The following ACSL6 variants were observed in gnomAD, a reference collection of about 807,000 sequenced individuals.
ACSL6 encodes the protein acyl-CoA synthetase long chain family member 6.
In ACSL6, 47 loss-of-function variants were observed where a neutral mutation model predicts 98.2. The observed-to-expected ratio is 0.48, with a 90% CI of 0.38 to 0.61. ACSL6 has a LOEUF of 0.61. Among genes scored for constraint, ACSL6 ranks in the 20% least tolerant of loss-of-function variants. The pLI is 0.00. For missense variants in ACSL6, 761 were observed against 913.4 expected (o/e 0.83, Z 2.15); for synonymous variants, 362 against 336.9 (o/e 1.07, Z -0.82).
intron 20 of ACSL6, among the ~76,000 whole-genome samples, chr5:131,956,482 A>C (rs1442463627): frequency 6.6e-6 from 1 of 152,212 alleles, no homozygotes; most frequent in African/African-American, 2.4e-5. Context: ...CTCACCTTTC[A>C]GTCCCTTAGT....
In ACSL6 at chr5:131,973,351, A is replaced by G. The variant is rs747028944; in HGVS notation, c.1118T>C (p.Ile373Thr). The G allele has an allele frequency of 2.5e-6, 4 of 1,614,094 alleles. No individual in the cohort carries two copies. Among genetic ancestry groups the G allele is most frequent in the Non-Finnish European group, 3.4e-6 (4 of 1,180,030 alleles). The stretch of plus-strand genomic sequence containing the variant: ...CTTCATGTCATCTGAGAGAAGGCGG[A>G]TATCTCCCTGGAAGAAGCCAACACG... Reference protein sequence around the residue: ...GGRVGFFQGDIRLLSDDMKAL... With the variant: ...GGRVGFFQGDTRLLSDDMKAL... Residue 373 changes from isoleucine to threonine, a missense_variant, in exon 12 of 21, where the codon ATC becomes ACC. Transcript: ENST00000651883.
At chr5:132,010,349 A>G (rs183708957) in intron 1 of ACSL6, among the ~76,000 whole-genome samples, 116 of 152,338 alleles carry the variant, frequency 7.6e-4, no homozygotes, top group South Asian at 6.0e-3. Context: ...TAAAACCTCG[A>G]ATGGAATCCC....
rs913441021 is a variant in ACSL6 at position 131,974,709 on chromosome 5, G to T, written c.1068+184C>A. On this transcript the variant is annotated intron_variant, in intron 11 of 20. Coordinates refer to ENST00000651883, the MANE Select transcript of ACSL6 (RefSeq NM_001009185.3). ...CCAGTGACAAGTGACACCCGCTAGG[G>T]TTATGGGTTCTAGGCACAGAGTGTG... 12 of 1,570,830 alleles carry T rather than the reference G, an allele frequency of 7.6e-6. No homozygotes were observed. The East Asian group carries it at 2.5e-4, about 33-fold the overall frequency.
chr5:131,952,377 A>T lies in ACSL6; in HGVS notation c.*1857T>A, dbSNP rs191879490. On this transcript the variant is annotated 3_prime_UTR_variant, in exon 21 of 21. Coordinates refer to ENST00000651883, the MANE Select transcript of ACSL6 (RefSeq NM_001009185.3). ...CAAATGAAACAGTGATTCACTTTTGACAAGACTGAAATATAAGTATATAAT... is the reference window on the plus strand; with the variant it reads ...CAAATGAAACAGTGATTCACTTTTGTCAAGACTGAAATATAAGTATATAAT... 3.4e-5 allele frequency: 7 copies of T among 205,316 alleles called. No individual in the cohort carries two copies. The highest frequency in any genetic ancestry group is 9.1e-5 in the African/African-American group (4 of 43,808). The allele number at this position is 205,316 out of a possible 1,614,324, so 12.7% of individuals were successfully genotyped here. A position where few individuals can be genotyped will look rare whatever the true frequency, so the allele number is the denominator to read the frequency against.
chr5:131,962,969 G>C (rs1258607362), intron 17 of ACSL6, among the ~76,000 whole-genome samples: 1 of 152,026 alleles, frequency 6.6e-6, no homozygotes, highest in Non-Finnish European at 1.5e-5. Context: ...ATGCCTAGCA[G>C]CAGGTATCCT....
At chr5:131,960,651 C>A (rs755736132) in intron 18 of ACSL6, 30 bp from the exon 19 acceptor site, 68 of 1,558,008 alleles carry the variant, frequency 4.4e-5, no homozygotes, top group Admixed American at 1.1e-4. Flanking sequence ...AGAACACAGT[C>A]ATGACAAATG....
At chr5:131,987,470 GAGA>G (rs1160979) in intron 7 of ACSL6, among the ~76,000 whole-genome samples, 92,986 of 151,884 alleles carry the variant, frequency 0.61, 33,219 homozygotes, top group Non-Finnish European at 0.81. Flanking sequence ...AGGGAGGCAG[GAGA>G]AGGAGGGCCT....
Position 131,956,586 on chromosome 5 carries a change from C to T in ACSL6, c.2032-2215G>A, listed in dbSNP as rs1469929324. On this transcript the variant is annotated intron_variant, in intron 20 of 20. Coordinates refer to ENST00000651883, the MANE Select transcript of ACSL6 (RefSeq NM_001009185.3). The stretch of plus-strand genomic sequence containing the variant: ...CTATTTAAATGCTTCTATGAAAATA[C>T]CTATACAACCTGCTTGAGTGACTAA... Among the ~76,000 whole-genome samples the T allele has an allele frequency of 3.9e-5, 6 of 152,116 alleles. No individual in the cohort carries two copies. In the East Asian group the frequency reaches 1.2e-3, roughly 29 times the overall value.
Position 132,008,857 on chromosome 5 carries a change from A to G in ACSL6, c.49+2648T>C, listed in dbSNP as rs529951742. Among the ~76,000 whole-genome samples the G allele has an allele frequency of 3.9e-5, 6 of 152,366 alleles. No homozygotes were observed. In the South Asian group the frequency reaches 6.2e-4, roughly 16 times the overall value. ...CATGGGGCTGCCTTAGCCTAGAGGAAGGTGTGCCCTTTTAGAAAGTTATCC... is the reference window on the plus strand; with the variant it reads ...CATGGGGCTGCCTTAGCCTAGAGGAGGGTGTGCCCTTTTAGAAAGTTATCC... On this transcript the variant is annotated intron_variant, in intron 1 of 20. Transcript: ENST00000651883.
At chr5:131,973,605 G>A in intron 11 of ACSL6, 1 of 468,814 alleles carries the variant, frequency 2.1e-6, no homozygotes, top group Non-Finnish European at 3.8e-6. Flanking sequence ...CAGGCACAGG[G>A]AGATGAAGCA....
intron 9 of ACSL6, chr5:131,981,780 A>G (rs950540812): frequency 6.6e-6 from 1 of 152,286 alleles, no homozygotes; most frequent in African/African-American, 2.4e-5. Context: ...ACATGCTTGT[A>G]CTGAATCAAT....
chr5:132,010,780 T>A (rs188634648), intron 1 of ACSL6, among the ~76,000 whole-genome samples: 1,225 of 152,242 alleles, frequency 8.0e-3, no homozygotes, highest in Non-Finnish European at 0.012. Context: ...GTGGTAGAAC[T>A]GGCAGATAAA....
At chr5:132,008,871 A>G (rs1456713763) in intron 1 of ACSL6, among the ~76,000 whole-genome samples, 1 of 152,216 alleles carries the variant, frequency 6.6e-6, no homozygotes, top group Non-Finnish European at 1.5e-5. Flanking sequence ...GTGCCCTTTT[A>G]GAAAGTTATC....
upstream of ACSL6, chr5:132,012,014 G>T (rs1755764097): frequency 1.4e-6 from 2 of 1,452,110 alleles, no homozygotes; most frequent in East Asian, 5.4e-5. Flanking sequence ...ATCAACACGC[G>T]ACCCTGCCCC....
rs1752154179 is a variant in ACSL6, at chr5:131,951,486, C to A, written c.*2748G>T. The A allele has an allele frequency of 4.9e-6, 1 of 203,346 alleles. No individual in the cohort carries two copies. The highest frequency in any genetic ancestry group is 2.3e-5 in the African/African-American group (1 of 43,592). The allele number at this position is 203,346 out of a possible 1,614,324, so 12.6% of individuals were successfully genotyped here. On this transcript the variant is annotated 3_prime_UTR_variant, in exon 21 of 21. Coordinates refer to ENST00000651883, the MANE Select transcript of ACSL6 (RefSeq NM_001009185.3). ...CTTTTCTCAGCACATCTGAACTAACCCATTTATTGGCCCAAGTGTGATGAT... is the reference window on the plus strand; with the variant it reads ...CTTTTCTCAGCACATCTGAACTAACACATTTATTGGCCCAAGTGTGATGAT...
At position 131,966,969 on chromosome 5, in the gene ACSL6, C is replaced by T. The variant is rs17211893; in HGVS notation, c.1597-437G>A. Among the ~76,000 whole-genome samples, 745 of 152,314 alleles carry T rather than the reference C, an allele frequency of 4.9e-3. 3 individuals carry two copies. The highest frequency in any genetic ancestry group is 8.5e-3 in the Non-Finnish European group (581 of 68,032). ...GCCAGCTCTATCTACTCCATCTGGC[C>T]TATTTGTAAAGGATCATGTTTCTGC... On this transcript the variant is annotated intron_variant, in intron 16 of 20. Coordinates refer to ENST00000651883, the MANE Select transcript of ACSL6 (RefSeq NM_001009185.3).
rs946567336 is a variant in ACSL6, at chr5:131,987,969, G to A, written c.831+79C>T. 1.0e-5 allele frequency: 16 copies of A among 1,561,992 alleles called. No homozygotes were observed. In the Middle Eastern group the frequency reaches 5.2e-4, roughly 51 times the overall value. On this transcript the variant is annotated intron_variant, in intron 7 of 20. Coordinates refer to ENST00000651883, the MANE Select transcript of ACSL6 (RefSeq NM_001009185.3). ...CCAAAACAGCCACCCCAGGGCATGA[G>A]AGGGACAGATAACCAGAAGTTCTGA...
intron 10 of ACSL6, chr5:131,976,170 G>C: frequency 1.0e-6 from 1 of 985,374 alleles, no homozygotes; most frequent in South Asian, 4.7e-5. Context: ...AAGCTTTTTT[G>C]ATTTTAGATT....
intron 18 of ACSL6, chr5:131,961,036 T>G (rs552848936): frequency 1.3e-4 from 20 of 159,926 alleles, no homozygotes; most frequent in Non-Finnish European, 2.5e-4. Context: ...GTTTATTTTT[T>G]TCTTTTGAGA....
Sources: gnomAD v4.1 joint callset for allele counts (sites outside exome capture counted in the v4.1 genomes callset) on GRCh38, gnomAD v4.1.1 for gene constraint, MANE v1.5 for transcripts, NCBI Gene and HGNC (gene_info 2026-07-23, HGNC 2026-07-21) for gene names.